Variants in CALN1 observed in about 807,000 individuals in gnomAD.
CALN1 encodes the protein calcium-binding protein 8.
Under a neutral mutation model 30.6 loss-of-function variants are expected in CALN1, and 17 were observed. The ratio of observed to expected loss-of-function variants is 0.56; its 90% CI spans 0.38 to 0.83. The LOEUF is 0.83. Ranked by LOEUF, CALN1 falls within the 40% of genes least tolerant of loss-of-function variation. CALN1 has a pLI of 0.00. For synonymous variants in CALN1, 156 were observed against 131.4 expected (o/e 1.19, Z -1.28); for missense variants, 291 against 354.9 (o/e 0.82, Z 1.45).
At chr7:72,387,899 G>A (rs1028947807) in intron 2 of CALN1, among the ~76,000 whole-genome samples, 4 of 152,124 alleles carry the variant, frequency 2.6e-5, no homozygotes, top group African/African-American at 9.7e-5. Context: ...TGGGGGATAG[G>A]GGTAGGGAGA....
intron 1 of CALN1, among the ~76,000 whole-genome samples, chr7:72,435,413 G>A (rs773452142): frequency 2.0e-5 from 3 of 152,144 alleles, no homozygotes; most frequent in African/African-American, 7.2e-5. Flanking sequence ...GACTAGAGAC[G>A]GTGAGTAACT....
intron 2 of CALN1, among the ~76,000 whole-genome samples, chr7:72,323,407 A>G (rs944087391): frequency 6.6e-6 from 1 of 152,152 alleles, no homozygotes; most frequent in Non-Finnish European, 1.5e-5. Context: ...TGGTGGCTGC[A>G]GCTTGTTGGA....
chr7:72,115,648 C>T (rs1445108370), intron 3 of CALN1, among the ~76,000 whole-genome samples: 2 of 151,650 alleles, frequency 1.3e-5, no homozygotes, highest in Non-Finnish European at 2.9e-5. Flanking sequence ...GCCACCAGAC[C>T]TGGCTAATTT....
At chr7:72,141,779 G>T (rs909294574) in intron 3 of CALN1, among the ~76,000 whole-genome samples, 2 of 152,194 alleles carry the variant, frequency 1.3e-5, no homozygotes, top group African/African-American at 4.8e-5. Context: ...ATGTTGGTCA[G>T]GCTGGTCTCC....
upstream of CALN1, among the ~76,000 whole-genome samples, chr7:72,452,119 C>T (rs1562974049): frequency 6.6e-6 from 1 of 152,132 alleles, no homozygotes; most frequent in Non-Finnish European, 1.5e-5. Context: ...TGCTTGTTGT[C>T]TGGTTATGTT....
chr7:72,066,774 G>C (rs1348071429), intron 4 of CALN1, among the ~76,000 whole-genome samples: 2 of 150,702 alleles, frequency 1.3e-5, no homozygotes, highest in Non-Finnish European at 3.0e-5. Context: ...ACCAGGCCCA[G>C]CTATTTTATT....
intron 3 of CALN1, among the ~76,000 whole-genome samples, chr7:72,146,592 T>G (rs1786750414): frequency 6.6e-6 from 1 of 152,192 alleles, no homozygotes; most frequent in Non-Finnish European, 1.5e-5. Context: ...ACTAATGACT[T>G]TCTTCACAGA....
At chr7:72,238,425 T>G (rs1794617155) in intron 3 of CALN1, among the ~76,000 whole-genome samples, 1 of 152,016 alleles carries the variant, frequency 6.6e-6, no homozygotes, top group South Asian at 2.1e-4. Context: ...TATAATTTAT[T>G]ATTTAATGAT....
intron 5 of CALN1, among the ~76,000 whole-genome samples, chr7:71,949,994 C>A (rs1402962601): frequency 6.6e-6 from 1 of 151,960 alleles, no homozygotes; most frequent in East Asian, 1.9e-4. Flanking sequence ...AATCTCCTGA[C>A]CTCATGATCT....
chr7:71,978,076 T>C (rs1303348339), intron 5 of CALN1, among the ~76,000 whole-genome samples: 1 of 151,720 alleles, frequency 6.6e-6, no homozygotes. Flanking sequence ...GCTCAAGATC[T>C]GCATTCCTTT....
chr7:71,971,469 A>C (rs1258007263), intron 5 of CALN1, among the ~76,000 whole-genome samples: 2 of 152,096 alleles, frequency 1.3e-5, no homozygotes, highest in African/African-American at 4.8e-5. Context: ...ACAAACAAAC[A>C]AACAAAAAAC....
At chr7:72,330,558 T>C (rs1801604639) in intron 2 of CALN1, among the ~76,000 whole-genome samples, 1 of 152,166 alleles carries the variant, frequency 6.6e-6, no homozygotes, top group African/African-American at 2.4e-5. Flanking sequence ...TCCTCCAATT[T>C]TATTTCCATA....
intron 2 of CALN1, among the ~76,000 whole-genome samples, chr7:72,302,393 C>T (rs1306045330): frequency 2.6e-5 from 4 of 152,182 alleles, no homozygotes; most frequent in African/African-American, 9.7e-5. Flanking sequence ...TGCACATCAG[C>T]ATCATCAGAC....
At position 71,788,488 on chromosome 7, in the gene CALN1, G is replaced by GTTTT. The variant is rs1454582383; in HGVS notation, c.659-587_659-586insAAAA. ...CCCCATTACTAAGAGGTTTTTTTTTGTTGTTTTTTTTTTTTTTTTTAGAGA... is the reference window on the plus strand; with the variant it reads ...CCCCATTACTAAGAGGTTTTTTTTTGTTTTTTGTTTTTTTTTTTTTTTTTAGAGA... On this transcript the variant is annotated intron_variant, in intron 6 of 6. Transcript: ENST00000395275. Among the ~76,000 whole-genome samples the GTTTT allele has an allele frequency of 1.7e-5, 2 of 120,452 alleles. 1 individual carries two copies. The highest frequency in any genetic ancestry group is 3.4e-5 in the Non-Finnish European group (2 of 58,652). 79.0% of individuals were successfully genotyped at this position (120,452 alleles called of 152,430 possible). A position where few individuals can be genotyped will look rare whatever the true frequency, so the allele number is the denominator to read the frequency against.
upstream of CALN1, among the ~76,000 whole-genome samples, chr7:72,413,179 A>G (rs988768826): frequency 6.6e-5 from 10 of 151,784 alleles, no homozygotes; most frequent in Non-Finnish European, 1.5e-4. Context: ...ATATGTACAC[A>G]CTGACACTTG....
chr7:71,992,266 C>T (rs1798994115), intron 5 of CALN1, among the ~76,000 whole-genome samples: 1 of 152,224 alleles, frequency 6.6e-6, no homozygotes, highest in African/African-American at 2.4e-5. Flanking sequence ...TAAATTGCTG[C>T]AGCTCATAAA....
intron 3 of CALN1, among the ~76,000 whole-genome samples, chr7:72,253,363 A>G (rs1795693670): frequency 1.3e-5 from 2 of 152,196 alleles, no homozygotes; most frequent in Non-Finnish European, 2.9e-5. Flanking sequence ...TGTGATTCTG[A>G]GATAACAATT....
At chr7:72,232,901 A>G (rs1372837388) in intron 3 of CALN1, among the ~76,000 whole-genome samples, 4 of 152,224 alleles carry the variant, frequency 2.6e-5, no homozygotes, top group African/African-American at 7.2e-5. Flanking sequence ...TATTGGGTAT[A>G]GTGATGACAG....
intron 4 of CALN1, among the ~76,000 whole-genome samples, chr7:72,040,956 C>T (rs989099862): frequency 4.6e-5 from 7 of 152,196 alleles, no homozygotes; most frequent in African/African-American, 1.7e-4. Context: ...CCCAAGCACA[C>T]TGAGCCATAG....
Sources: allele counts gnomAD v4.1 joint callset (sites outside exome capture counted in the v4.1 genomes callset), GRCh38; gene constraint gnomAD v4.1.1; transcripts MANE v1.5; gene names NCBI Gene and HGNC (gene_info 2026-07-23, HGNC 2026-07-21).